CHRNA3: variants seen among roughly 807,000 people sequenced by gnomAD.
CHRNA3 encodes cholinergic receptor nicotinic alpha 3 subunit, also known as neuronal acetylcholine receptor subunit alpha-3.
A neutral mutation model predicts 41.9 loss-of-function variants in CHRNA3; 34 were observed. That is an observed-to-expected ratio of 0.81 (90% CI 0.62 to 1.08). CHRNA3 has a LOEUF of 1.08. Ranked by LOEUF, CHRNA3 falls within the 50% of genes least tolerant of loss-of-function variation. The pLI is 0.00. For synonymous variants in CHRNA3, 281 were observed against 265.2 expected (o/e 1.06, Z -0.58); for missense variants, 542 against 638.3 (o/e 0.85, Z 1.63).
intron 4 of CHRNA3, among the ~76,000 whole-genome samples, chr15:78,612,766 A>G (rs2053399294): frequency 7.1e-6 from 1 of 140,056 alleles, no homozygotes. Context: ...AGAAACTACC[A>G]TCAGAGTGAA....
At position 78,614,359 on chromosome 15, in the gene CHRNA3, C is replaced by A. The variant is rs573715080; in HGVS notation, c.377+2665G>T. On this transcript the variant is annotated intron_variant, in intron 4 of 5. Coordinates refer to ENST00000326828, the MANE Select transcript of CHRNA3 (RefSeq NM_000743.5). ...CAATTCAGTGCAAGAAGAAAAAAATCTGCAAGCCTGTTGAGTTTATATTGT... is the reference window on the plus strand; with the variant it reads ...CAATTCAGTGCAAGAAGAAAAAAATATGCAAGCCTGTTGAGTTTATATTGT... Among the ~76,000 whole-genome samples the A allele has an allele frequency of 2.6e-5, 4 of 152,322 alleles. No individual in the cohort carries two copies. In the East Asian group the frequency reaches 7.7e-4, roughly 29 times the overall value.
Position 78,596,071 on chromosome 15 carries a change from A to G in CHRNA3, c.*533T>C. ...ATGATTTCTCATGGTATAATTTAGA[A>G]GTATGCAAGAGAAGTAGTTGAAGCT... is the stretch of plus-strand genomic sequence containing the variant. On this transcript the variant is annotated 3_prime_UTR_variant, in exon 6 of 6. Transcript: ENST00000326828. The G allele has an allele frequency of 1.0e-6, 1 of 984,828 alleles. No individual in the cohort carries two copies. Among genetic ancestry groups the G allele is most frequent in the Non-Finnish European group, 1.2e-6 (1 of 829,378 alleles). The allele number at this position is 984,828 out of a possible 1,614,324, so 61.0% of individuals were successfully genotyped here.
intron 3 of CHRNA3, 119 bp downstream of exon 3, chr15:78,618,498 C>A: frequency 8.6e-7 from 1 of 1,161,102 alleles, no homozygotes. Context: ...GTCAGTGGAC[C>A]CCAATCTGGG....
Position 78,601,585 on chromosome 15 carries a change from C to T in CHRNA3, c.1057G>A (p.Val353Ile), listed in dbSNP as rs968965351. The stretch of plus-strand genomic sequence containing the variant: ...CTTGTTGGCCTGGTCATGAACATGA[C>T]CCTGGGGAGCAGGTTCAAGAATACA... Reference protein sequence around the residue: ...KTVFLNLLPRVMFMTRPTSNE... With the variant: ...KTVFLNLLPRIMFMTRPTSNE... Residue 353 changes from valine to isoleucine, a missense_variant, in exon 5 of 6, where the codon GTC (valine) becomes ATC (isoleucine). Val to Ile is a conservative substitution (Grantham distance 29). Coordinates refer to ENST00000326828, the MANE Select transcript of CHRNA3 (RefSeq NM_000743.5). 1.9e-6 allele frequency: 3 copies of T among 1,614,026 alleles called. No individual in the cohort carries two copies. Among genetic ancestry groups the T allele is most frequent in the Admixed American group, 1.7e-5 (1 of 59,974 alleles).
At chr15:78,612,905 T>C (rs564170601) in intron 4 of CHRNA3, among the ~76,000 whole-genome samples, 13 of 151,006 alleles carry the variant, frequency 8.6e-5, no homozygotes, top group Non-Finnish European at 3.0e-5. Flanking sequence ...AAAAAGTGGG[T>C]GAAGGATATG....
chr15:78,595,291 A>AAAT (rs1329261507), downstream of CHRNA3: 1 of 985,182 alleles, frequency 1.0e-6, no homozygotes, highest in African/African-American at 1.7e-5. Flanking sequence ...ACTTATTGAA[A>AAAT]CATGAGTCAC....
At chr15:78,616,082 G>A (rs1022115919) in intron 4 of CHRNA3, among the ~76,000 whole-genome samples, 7 of 1,664 alleles carry the variant, frequency 4.2e-3, no homozygotes, top group Non-Finnish European at 6.9e-3. Context: ...GGCTGGGCAT[G>A]GTGGCTCATG....
In CHRNA3 at chr15:78,601,480, ACT is replaced by A; in HGVS notation, c.1160_1161del (p.Glu387ValfsTer31). ...GGGTAGCCCTCCTTGCAGCCTTTGGACTCTGCGCGGCTGAAGCAATTCAGATT... is the reference window on the plus strand; with the variant it reads ...GGGTAGCCCTCCTTGCAGCCTTTGGACTGCGCGGCTGAAGCAATTCAGATT... The part of the protein sequence containing the change: ...LSNLNCFSRA[E>X]SKGCKEGYPC... On this transcript the variant is annotated frameshift_variant, in exon 5 of 6. Coordinates refer to ENST00000326828, the MANE Select transcript of CHRNA3 (RefSeq NM_000743.5). LOFTEE classifies it high-confidence loss of function. The A allele has an allele frequency of 3.7e-6, 6 of 1,613,860 alleles. No homozygotes were observed. Among genetic ancestry groups the A allele is most frequent in the Non-Finnish European group, 5.1e-6 (6 of 1,179,984 alleles).
chr15:78,618,629 C>T lies in CHRNA3; in HGVS notation c.255G>A (p.Leu85=), dbSNP rs201164351. 3.1e-5 allele frequency: 50 copies of T among 1,614,018 alleles called. No homozygotes were observed. The African/African-American group carries it at 5.6e-4, about 18-fold the overall frequency. Reference sequence around the variant, plus strand: ...TCTGGTCACTTACTTGCTTGAGCCACAGGTTGGTCTCCATGATCTGGTTTA... The same window carrying T: ...TCTGGTCACTTACTTGCTTGAGCCATAGGTTGGTCTCCATGATCTGGTTTA... ...DEVNQIMETN[L]WLKQIWNDYK... is the part of the protein sequence containing the mutation. Residue 85 remains leucine (L), a synonymous_variant, in exon 3 of 6, where the codon CTG becomes CTA. Transcript: ENST00000326828.
intron 1 of CHRNA3, among the ~76,000 whole-genome samples, chr15:78,620,458 C>G (rs901225407): frequency 6.6e-6 from 1 of 150,988 alleles, no homozygotes; most frequent in African/African-American, 2.4e-5. Flanking sequence ...TCCCCATCAC[C>G]CGGCGCGTAC....
chr15:78,606,681 G>A (rs896145957), intron 4 of CHRNA3, among the ~76,000 whole-genome samples: 1 of 151,306 alleles, frequency 6.6e-6, no homozygotes, highest in Non-Finnish European at 1.5e-5. Context: ...GGATGACGAG[G>A]TCAGGAGATC....
rs199836835 is a variant in CHRNA3, at chr15:78,602,039, A to T, written c.603T>A (p.Tyr201Ter). ...TGATGGCCCACTCGCCGCTCTCCCAATAGTCCTTGAGGTTCATGGAAGAGC... is the reference window on the plus strand; with the variant it reads ...TGATGGCCCACTCGCCGCTCTCCCATTAGTCCTTGAGGTTCATGGAAGAGC... ...LIGSSMNLKD[Y>*]WESGEWAIIK... The change falls in exon 5 of 6, where the codon TAT becomes TAA. Residue 201 changes from tyrosine to a stop codon, truncating the protein, a stop_gained. Coordinates refer to ENST00000326828, the MANE Select transcript of CHRNA3 (RefSeq NM_000743.5). LOFTEE classifies it high-confidence loss of function. 1.2e-6 allele frequency: 2 copies of T among 1,614,012 alleles called. No individual in the cohort carries two copies. The highest frequency in any genetic ancestry group is 1.7e-6 in the Non-Finnish European group (2 of 1,179,884).
chr15:78,605,786 A>G (rs1386171110), intron 4 of CHRNA3, among the ~76,000 whole-genome samples: 1 of 152,158 alleles, frequency 6.6e-6, no homozygotes, highest in Non-Finnish European at 1.5e-5. Context: ...GAAGAGAAAG[A>G]AGGTTCAGAA....
intron 4 of CHRNA3, among the ~76,000 whole-genome samples, chr15:78,605,539 C>CA (rs2053270707): frequency 6.6e-6 from 1 of 152,138 alleles, no homozygotes; most frequent in African/African-American, 2.4e-5. Flanking sequence ...ACTGAATCCT[C>CA]AGCAAGGGGA....
downstream of CHRNA3, chr15:78,595,052 T>C (rs2053078224): frequency 6.6e-6 from 1 of 152,430 alleles, no homozygotes; most frequent in African/African-American, 2.4e-5. Context: ...AAGTAACCTA[T>C]CTAAGTTCAA....
intron 4 of CHRNA3, among the ~76,000 whole-genome samples, chr15:78,608,212 G>C (rs533248382): frequency 1.6e-4 from 24 of 152,358 alleles, no homozygotes; most frequent in African/African-American, 5.5e-4. Context: ...TTTGAGGAGA[G>C]TAATGGTTCT....
chr15:78,603,958 TGA>T (rs1026890943), intron 4 of CHRNA3, among the ~76,000 whole-genome samples: 3 of 151,936 alleles, frequency 2.0e-5, no homozygotes, highest in African/African-American at 7.3e-5. Flanking sequence ...TGTTTAGCAC[TGA>T]GGGGCCCTGG....
intron 4 of CHRNA3, among the ~76,000 whole-genome samples, chr15:78,614,426 T>TA (rs2053432135): frequency 6.6e-6 from 1 of 152,180 alleles, no homozygotes; most frequent in South Asian, 2.1e-4. Flanking sequence ...ACAAATTACA[T>TA]ACAAGAAACA....
rs202165978 is a variant in CHRNA3 at position 78,601,621 on chromosome 15, A to G, written c.1021T>C (p.Trp341Arg). Residue 341 changes from tryptophan (W) to arginine (R), a missense_variant, in exon 5 of 6, where the codon TGG becomes CGG. Transcript: ENST00000326828. Reference protein sequence around the residue: ...RTPTTHTMPSWVKTVFLNLLP... With the variant: ...RTPTTHTMPSRVKTVFLNLLP... Reference sequence around the variant, plus strand: ...AGGTTCAAGAATACAGTCTTCACCCATGAGGGCATTGTGTGTGTCGTCGGG... The same window carrying G: ...AGGTTCAAGAATACAGTCTTCACCCGTGAGGGCATTGTGTGTGTCGTCGGG... The G allele has an allele frequency of 1.7e-5, 28 of 1,614,032 alleles. No individual in the cohort carries two copies. In the South Asian group the frequency reaches 3.1e-4, roughly 18 times the overall value.
Sources: allele counts gnomAD v4.1 joint callset (sites outside exome capture counted in the v4.1 genomes callset), GRCh38; gene constraint gnomAD v4.1.1; transcripts MANE v1.5; gene names NCBI Gene and HGNC (gene_info 2026-07-23, HGNC 2026-07-21).